Variants in AKAP7 observed in about 807,000 individuals in gnomAD.
AKAP7 encodes A-kinase anchoring protein 7.
A neutral mutation model predicts 39.5 loss-of-function variants in AKAP7; 39 were observed. That is an observed-to-expected ratio of 0.99 (90% CI 0.76 to 1.29). The LOEUF (loss-of-function observed/expected upper bound fraction) is 1.29. Ranked by LOEUF, AKAP7 falls within the 50% of genes most tolerant of loss-of-function variation. AKAP7 has a pLI of 0.00. For missense variants in AKAP7, 414 were observed against 407.7 expected (o/e 1.02, Z -0.13); for synonymous variants, 140 against 139.1 (o/e 1.01, Z -0.05).
intron 7 of AKAP7, among the ~76,000 whole-genome samples, chr6:131,220,945 G>A (rs906181070): frequency 2.6e-5 from 4 of 152,036 alleles, no homozygotes; most frequent in Middle Eastern, 3.2e-3. Context: ...CCCCTGTGAA[G>A]AGTCGTACAT....
At chr6:131,270,491 A>T (rs568783537) in intron 7 of AKAP7, among the ~76,000 whole-genome samples, 38 of 152,290 alleles carry the variant, frequency 2.5e-4, no homozygotes, top group Admixed American at 1.7e-3. Flanking sequence ...AGTTGTTTCT[A>T]GTCTGGGATA....
Position 131,281,320 on chromosome 6 carries a change from C to G in AKAP7, c.851-210C>G, listed in dbSNP as rs1815174498. 6.6e-6 allele frequency among the ~76,000 whole-genome samples: 1 copy of G among 152,176 alleles called. No individual in the cohort carries two copies. Among genetic ancestry groups the G allele is most frequent in the Admixed American group, 6.5e-5 (1 of 15,286 alleles). Reference sequence around the variant, plus strand: ...TAGGTAGAGCTTGTCTAGATTGGGACTAATGAACTACTTTTCAATCTGAAG... The same window carrying G: ...TAGGTAGAGCTTGTCTAGATTGGGAGTAATGAACTACTTTTCAATCTGAAG... On this transcript the variant is annotated intron_variant, in intron 7 of 7. Transcript: ENST00000431975. This position sits in a 1 kb window ranked among gnomAD's most constrained non-coding sequence, Gnocchi z 4.0.
At chr6:131,198,074 C>G (rs1562205534) in intron 5 of AKAP7, among the ~76,000 whole-genome samples, 1 of 152,270 alleles carries the variant, frequency 6.6e-6, no homozygotes. Context: ...CAAGTCTGGA[C>G]ATATTCCAAA....
At chr6:131,266,426 T>C (rs927228544) in intron 7 of AKAP7, among the ~76,000 whole-genome samples, 3 of 152,248 alleles carry the variant, frequency 2.0e-5, no homozygotes, top group African/African-American at 7.2e-5. Flanking sequence ...GTCATCAGTG[T>C]ACTATTACTC....
intron 7 of AKAP7, among the ~76,000 whole-genome samples, chr6:131,268,135 TTC>T (rs1380866171): frequency 2.6e-5 from 4 of 152,204 alleles, no homozygotes; most frequent in Non-Finnish European, 5.9e-5. Context: ...GCTGAGAATT[TTC>T]TGTTTTCTAA....
intron 5 of AKAP7, chr6:131,184,912 T>TTA (rs1298223295): frequency 6.6e-6 from 6 of 914,058 alleles, no homozygotes; most frequent in Non-Finnish European, 1.1e-5. Flanking sequence ...ATCCAGCTCC[T>TTA]TATGGGCACT....
At chr6:131,174,996 T>C (rs1011704729) in intron 5 of AKAP7, among the ~76,000 whole-genome samples, 5 of 152,336 alleles carry the variant, frequency 3.3e-5, no homozygotes, top group East Asian at 1.9e-4. Context: ...GAAAGCCTTA[T>C]TGATAACATA....
At chr6:131,267,000 T>C (rs910440839) in intron 7 of AKAP7, among the ~76,000 whole-genome samples, 1 of 152,208 alleles carries the variant, frequency 6.6e-6, no homozygotes, top group Non-Finnish European at 1.5e-5. Context: ...AAACCTATTT[T>C]ATGTGTTTGC....
chr6:131,219,723 A>G lies in AKAP7; in HGVS notation c.765A>G (p.Glu255=), dbSNP rs1809537140. The G allele has an allele frequency of 6.3e-7, 1 of 1,598,804 alleles. No homozygotes were observed. The highest frequency in any genetic ancestry group is 8.5e-7 in the Non-Finnish European group (1 of 1,171,826). Residue 255 remains glutamate (E), a synonymous_variant, in exon 7 of 8, where the codon GAA becomes GAG. Transcript: ENST00000431975. ...EKFISHRFGE[E]ILYRIDLCSM... ...TTATCAGTCACAGATTTGGAGAAGA[A>G]ATATTATATCGCATAGATCTTTGCT...
chr6:131,129,727 A>C, the AKAP7 span, among the ~76,000 whole-genome samples: 1 of 152,232 alleles, frequency 6.6e-6, no homozygotes, highest in Non-Finnish European at 1.5e-5. Context: ...ACATTAATTG[A>C]AAAGCTTACA....
In AKAP7 at chr6:131,256,708, C is replaced by CATTATTATTATTATT. The variant is rs3836928; in HGVS notation, c.851-24808_851-24794dup. Reference sequence around the variant, plus strand: ...ATATCTGAATTACTCCTTCCTGGGACATTATTATTATTATTATTATTATTA... The same window carrying CATTATTATTATTATT: ...ATATCTGAATTACTCCTTCCTGGGACATTATTATTATTATTATTATTATTATTATTATTATTATTA... On this transcript the variant is annotated intron_variant, in intron 7 of 7. Transcript: ENST00000431975. Among the ~76,000 whole-genome samples, 1,426 of 148,476 alleles carry CATTATTATTATTATT rather than the reference C, an allele frequency of 9.6e-3. 16 individuals carry two copies. The highest frequency in any genetic ancestry group is 0.012 in the Non-Finnish European group (789 of 67,296).
At chr6:131,246,019 T>C (rs1489558179) in intron 7 of AKAP7, among the ~76,000 whole-genome samples, 1 of 151,750 alleles carries the variant, frequency 6.6e-6, no homozygotes, top group Admixed American at 6.6e-5. Context: ...CATAGTTTTG[T>C]AGAGTCAGAA....
rs1026724835 is a variant in AKAP7, at chr6:131,268,948, G to A, written c.851-12582G>A. Among the ~76,000 whole-genome samples the A allele has an allele frequency of 5.9e-5, 9 of 152,214 alleles. No individual in the cohort carries two copies. The South Asian group carries it at 8.3e-4, about 14-fold the overall frequency. The stretch of plus-strand genomic sequence containing the variant: ...CATGATTATTTGAAAATTTATGCTT[G>A]TGACATGTTTGAAACTATATTTATT... On this transcript the variant is annotated intron_variant, in intron 7 of 7. Coordinates refer to ENST00000431975, the MANE Select transcript of AKAP7 (RefSeq NM_016377.4).
In AKAP7 at chr6:131,281,791, G is replaced by A; in HGVS notation, c.*65G>A. Reference sequence around the variant, plus strand: ...CCTGCTTCCCTCTGCTGAGTCTAGGGACTGACTTGCAGCGTGCTGTTTAAG... The same window carrying A: ...CCTGCTTCCCTCTGCTGAGTCTAGGAACTGACTTGCAGCGTGCTGTTTAAG... On this transcript the variant is annotated 3_prime_UTR_variant, in exon 8 of 8. Transcript: ENST00000431975. This position sits in a 1 kb window ranked among gnomAD's most constrained non-coding sequence, Gnocchi z 4.0. 1.4e-6 allele frequency: 2 copies of A among 1,456,980 alleles called. No individual in the cohort carries two copies. The highest frequency in any genetic ancestry group is 2.5e-5 in the East Asian group (1 of 40,544). 90.3% of individuals were successfully genotyped at this position (1,456,980 alleles called of 1,614,324 possible).
chr6:131,152,463 G>A (rs543418929), intron 2 of AKAP7, among the ~76,000 whole-genome samples: 20 of 152,134 alleles, frequency 1.3e-4, no homozygotes, highest in Non-Finnish European at 2.5e-4. Flanking sequence ...AAAAGCACAC[G>A]GATTTTATAC....
At chr6:131,261,014 T>C (rs1200640608) in intron 7 of AKAP7, among the ~76,000 whole-genome samples, 1 of 152,044 alleles carries the variant, frequency 6.6e-6, no homozygotes, top group African/African-American at 2.4e-5. Context: ...CTGACCAACA[T>C]GGAGAAACCC....
chr6:131,241,511 T>C (rs555035281), intron 7 of AKAP7, among the ~76,000 whole-genome samples: 39 of 151,326 alleles, frequency 2.6e-4, no homozygotes, highest in Non-Finnish European at 4.3e-4. Context: ...TTTGGGCATA[T>C]GAAAGCAGCT....
chr6:131,263,986 T>G (rs3777489), intron 7 of AKAP7, among the ~76,000 whole-genome samples: 43,228 of 152,114 alleles, frequency 0.28, 6,614 homozygotes, highest in Middle Eastern at 0.39. Context: ...ATAATCTGTT[T>G]TTCCCCCCAT....
At position 131,145,317 on chromosome 6, in the gene AKAP7, T is replaced by A; in HGVS notation, c.52T>A (p.Ser18Thr). The A allele has an allele frequency of 1.3e-6, 2 of 1,548,702 alleles. No individual in the cohort carries two copies. The highest frequency in any genetic ancestry group is 1.8e-6 in the Non-Finnish European group (2 of 1,142,462). The change falls in exon 2 of 8, where the codon TCA becomes ACA. Residue 18 changes from serine to threonine, a missense_variant. Coordinates refer to ENST00000431975, the MANE Select transcript of AKAP7 (RefSeq NM_016377.4). ...TAATTCCAATGAGTGTGAAAATGTA[T>A]CAAGAAAAAAGAAAATGTCAGAGGA... is the stretch of plus-strand genomic sequence containing the variant. ...GINSNECENV[S>T]RKKKMSEEFE...
Sources: gnomAD v4.1 joint callset for allele counts (sites outside exome capture counted in the v4.1 genomes callset) on GRCh38, gnomAD v4.1.1 for gene constraint, Gnocchi (gnomAD v3.1) non-coding constraint, MANE v1.5 for transcripts, NCBI Gene and HGNC (gene_info 2026-07-23, HGNC 2026-07-21) for gene names.